The following CRPPA variants were observed in gnomAD, a reference collection of about 807,000 sequenced individuals.
CRPPA encodes the protein CDP-L-ribitol pyrophosphorylase A.
In CRPPA, 43 loss-of-function variants were observed where a neutral mutation model predicts 52.0. The observed-to-expected ratio is 0.83, with a 90% CI of 0.65 to 1.07. CRPPA has a LOEUF of 1.07. Among genes scored for constraint, CRPPA ranks in the 50% least tolerant of loss-of-function variants. The pLI, the probability that CRPPA is intolerant of heterozygous loss-of-function variation, is 0.00. For missense variants in CRPPA, 629 were observed against 551.7 expected (o/e 1.14, Z -1.40); for synonymous variants, 250 against 203.5 (o/e 1.23, Z -1.94).
rs766925384 is a variant in CRPPA at position 16,292,850 on chromosome 7, CTT to C, written c.835+8569_835+8570del. Reference sequence around the variant, plus strand: ...AAAACCCAATCAGTAACACAAGTATCTTTAAAAAATTCCTTACTTTCCTTGAA... The same window carrying C: ...AAAACCCAATCAGTAACACAAGTATCTAAAAAATTCCTTACTTTCCTTGAA... On this transcript the variant is annotated intron_variant, in intron 5 of 9. Transcript: ENST00000407010. Among the ~76,000 whole-genome samples, 11 of 152,016 alleles carry C rather than the reference CTT, an allele frequency of 7.2e-5. No homozygotes were observed. The South Asian group carries it at 2.3e-3, about 32-fold the overall frequency.
At chr7:16,394,347 T>G (rs537335212) in intron 2 of CRPPA, among the ~76,000 whole-genome samples, 1 of 152,282 alleles carries the variant, frequency 6.6e-6, no homozygotes, top group South Asian at 2.1e-4. Flanking sequence ...CTGTGCAAAG[T>G]AAGTATGCTG....
intron 9 of CRPPA, among the ~76,000 whole-genome samples, chr7:16,162,505 C>T (rs142576430): frequency 0.06 from 9,110 of 152,220 alleles, 356 homozygotes; most frequent in East Asian, 0.13. Context: ...GTTTCTTAAT[C>T]CTGAGTTCTA....
intron 1 of CRPPA, among the ~76,000 whole-genome samples, chr7:16,414,338 C>A (rs1271759287): frequency 6.7e-6 from 1 of 148,496 alleles, no homozygotes; most frequent in African/African-American, 2.5e-5. Flanking sequence ...AGGTTGACCA[C>A]CCCCCTACCC....
At position 16,090,940 on chromosome 7, in the gene CRPPA, C is replaced by A. The variant is rs916496832; in HGVS notation, c.*755G>T. 1 of 152,148 alleles carries A rather than the reference C, an allele frequency of 6.6e-6. No individual in the cohort carries two copies. Among genetic ancestry groups the A allele is most frequent in the African/African-American group, 2.4e-5 (1 of 41,428 alleles). 9.4% of individuals were successfully genotyped at this position (152,148 alleles called of 1,614,324 possible). ...TCTATGATGTACAATAGATTCTCTA[C>A]CTTATAGAAGATAACTAACCAGGGA... is the stretch of plus-strand genomic sequence containing the variant. On this transcript the variant is annotated 3_prime_UTR_variant, in exon 10 of 10. Coordinates refer to ENST00000407010, the MANE Select transcript of CRPPA (RefSeq NM_001101426.4).
At chr7:16,238,983 C>CA (rs1386885614) in intron 8 of CRPPA, among the ~76,000 whole-genome samples, 1 of 151,600 alleles carries the variant, frequency 6.6e-6, no homozygotes, top group Non-Finnish European at 1.5e-5. Flanking sequence ...ACTAAAAACA[C>CA]AAAAAATTAG....
intron 5 of CRPPA, among the ~76,000 whole-genome samples, chr7:16,287,210 T>C (rs1002463356): frequency 4.6e-5 from 7 of 152,212 alleles, no homozygotes; most frequent in African/African-American, 1.7e-4. Context: ...TTGTCAACTT[T>C]AAGATTTCTA....
intron 9 of CRPPA, among the ~76,000 whole-genome samples, chr7:16,193,050 C>T (rs2128391036): frequency 6.6e-6 from 1 of 152,208 alleles, no homozygotes; most frequent in South Asian, 2.1e-4. Context: ...CATTTCCATG[C>T]AAATTTGAAA....
chr7:16,216,659 C>T (rs145087847), intron 8 of CRPPA: 3,811 of 154,078 alleles, frequency 0.025, 81 homozygotes, highest in Middle Eastern at 0.04. Flanking sequence ...GTTCCTTTTC[C>T]GAGTCAAAGA....
intron 9 of CRPPA, among the ~76,000 whole-genome samples, chr7:16,103,623 G>A (rs1179063212): frequency 6.6e-6 from 1 of 152,156 alleles, no homozygotes; most frequent in East Asian, 1.9e-4. Flanking sequence ...AGTCTAAGAA[G>A]TAAGTGTAAG....
chr7:16,216,728 C>T (rs968680337), intron 8 of CRPPA, among the ~76,000 whole-genome samples: 1 of 152,174 alleles, frequency 6.6e-6, no homozygotes, highest in African/African-American at 2.4e-5. Context: ...TTGCGCTTTT[C>T]GGACCAGCTT....
At chr7:16,333,692 T>G (rs995134232) in intron 3 of CRPPA, among the ~76,000 whole-genome samples, 5 of 152,130 alleles carry the variant, frequency 3.3e-5, no homozygotes, top group Admixed American at 2.6e-4. Flanking sequence ...ATAAAATGGA[T>G]GTAATGGATC....
chr7:16,355,376 G>A (rs1046922708), intron 3 of CRPPA, among the ~76,000 whole-genome samples: 9 of 152,076 alleles, frequency 5.9e-5, no homozygotes, highest in African/African-American at 1.9e-4. Context: ...TGATTGACCC[G>A]GCAAATGTCT....
At chr7:16,360,183 G>A (rs1181777049) in intron 3 of CRPPA, among the ~76,000 whole-genome samples, 1 of 152,184 alleles carries the variant, frequency 6.6e-6, no homozygotes, top group Non-Finnish European at 1.5e-5. Flanking sequence ...GATCTCTAAG[G>A]ATTCTACAGT....
intron 3 of CRPPA, among the ~76,000 whole-genome samples, chr7:16,343,344 C>A (rs999977734): frequency 2.0e-5 from 3 of 152,058 alleles, no homozygotes; most frequent in Admixed American, 6.5e-5. Context: ...TTCCTCTCCA[C>A]CCCCCAACTC....
At chr7:16,241,016 G>C (rs1236404587) in intron 8 of CRPPA, among the ~76,000 whole-genome samples, 2 of 151,928 alleles carry the variant, frequency 1.3e-5, no homozygotes, top group African/African-American at 4.8e-5. Context: ...CTATTACTTA[G>C]CACATTCATG....
At chr7:16,174,555 G>A (rs1334643016) in intron 9 of CRPPA, among the ~76,000 whole-genome samples, 2 of 152,014 alleles carry the variant, frequency 1.3e-5, no homozygotes, top group Admixed American at 1.3e-4. Context: ...AATAGTCGCT[G>A]GTCTTTTAAG....
chr7:16,176,196 T>C (rs1471213304), intron 9 of CRPPA, among the ~76,000 whole-genome samples: 2 of 152,142 alleles, frequency 1.3e-5, no homozygotes, highest in Non-Finnish European at 2.9e-5. Context: ...AACTATCTTC[T>C]TCAGTAATAA....
At chr7:16,301,490 A>C in intron 4 of CRPPA, 24 bp from the exon 5 acceptor site, 1 of 1,577,402 alleles carries the variant, frequency 6.3e-7, no homozygotes, top group Non-Finnish European at 8.7e-7. Context: ...AAACTTCATT[A>C]GACTTAACAG....
intron 8 of CRPPA, among the ~76,000 whole-genome samples, chr7:16,245,956 G>A (rs769543567): frequency 2.8e-4 from 42 of 151,922 alleles, no homozygotes; most frequent in Non-Finnish European, 5.6e-4. Context: ...GACTGTTCAC[G>A]GTGGTGGTTG....
Sources: gnomAD v4.1 joint callset for allele counts (sites outside exome capture counted in the v4.1 genomes callset) on GRCh38, gnomAD v4.1.1 for gene constraint, MANE v1.5 for transcripts, NCBI Gene and HGNC (gene_info 2026-07-23, HGNC 2026-07-21) for gene names.